Variants in PALM2AKAP2 observed in about 807,000 individuals in gnomAD.
The protein encoded by PALM2AKAP2 is PALM2-AKAP2 fusion protein.
In PALM2AKAP2, 37 loss-of-function variants were observed where a neutral mutation model predicts 71.5. The ratio of observed to expected loss-of-function variants is 0.52; its 90% CI spans 0.40 to 0.68. PALM2AKAP2 has a LOEUF of 0.68. Ranked by LOEUF, PALM2AKAP2 falls within the 30% of genes least tolerant of loss-of-function variation. PALM2AKAP2 has a pLI of 0.00. For synonymous variants in PALM2AKAP2, 468 were observed against 478.8 expected, an observed-to-expected ratio of 0.98 and a Z score of 0.29; for missense variants, 1,224 against 1,191.8, an observed-to-expected ratio of 1.03 and a Z score of -0.40.
At chr9:109,641,788 G>A (rs1467974420) in intron 1 of PALM2AKAP2, among the ~76,000 whole-genome samples, 3 of 152,152 alleles carry the variant, frequency 2.0e-5, no homozygotes. Flanking sequence ...TTTCAAGTTA[G>A]AGATAAAGTC....
At chr9:110,152,161 T>C (rs1003855646) in intron 2 of PALM2AKAP2, among the ~76,000 whole-genome samples, 3 of 151,962 alleles carry the variant, frequency 2.0e-5, no homozygotes, top group African/African-American at 7.3e-5. Context: ...CGCTTGAACC[T>C]GGGAGGCAGA....
At chr9:109,648,956 C>G (rs768811369) in intron 1 of PALM2AKAP2, among the ~76,000 whole-genome samples, 1 of 152,128 alleles carries the variant, frequency 6.6e-6, no homozygotes, top group Non-Finnish European at 1.5e-5. Context: ...AGATGTCATT[C>G]CATTGTGTTC....
chr9:109,782,128 A>C (rs1400262700), intron 1 of PALM2AKAP2, among the ~76,000 whole-genome samples: 1 of 152,238 alleles, frequency 6.6e-6, no homozygotes, highest in Admixed American at 6.5e-5. Flanking sequence ...CTTGCTTTCC[A>C]AACATGGAGC....
intron 1 of PALM2AKAP2, among the ~76,000 whole-genome samples, chr9:109,864,688 A>G (rs1038203452): frequency 2.0e-5 from 3 of 152,344 alleles, no homozygotes; most frequent in Non-Finnish European, 2.9e-5. Flanking sequence ...TTTGAACTAC[A>G]ATGGTAGCAT....
chr9:110,098,648 C>T (rs990842329), intron 1 of PALM2AKAP2, among the ~76,000 whole-genome samples: 6 of 152,202 alleles, frequency 3.9e-5, no homozygotes, highest in African/African-American at 1.4e-4. Context: ...TCTGACACAT[C>T]AGCCAAGCTC....
rs114392130 is a variant in PALM2AKAP2, at chr9:110,056,043, A to G, written c.156+7188A>G. Among the ~76,000 whole-genome samples, 361 of 152,320 alleles carry G rather than the reference A, an allele frequency of 2.4e-3. 3 individuals carry two copies. Among genetic ancestry groups the G allele is most frequent in the African/African-American group, 8.5e-3 (354 of 41,572 alleles). On this transcript the variant is annotated intron_variant, in intron 1 of 3. Transcript: ENST00000374525. ...GTCCTGCAGACCCATGAAAGGTGCCATGCCGTCACCCAGTAGGGGGCAGGG... is the reference window on the plus strand; with the variant it reads ...GTCCTGCAGACCCATGAAAGGTGCCGTGCCGTCACCCAGTAGGGGGCAGGG...
intron 1 of PALM2AKAP2, among the ~76,000 whole-genome samples, chr9:109,863,743 G>A (rs1439615235): frequency 6.7e-6 from 1 of 149,904 alleles, no homozygotes; most frequent in Non-Finnish European, 1.5e-5. Flanking sequence ...CTAATTCTGA[G>A]CGTAGGCTGG....
intron 6 of PALM2AKAP2, among the ~76,000 whole-genome samples, chr9:109,937,987 A>G (rs1831269034): frequency 6.6e-6 from 1 of 152,242 alleles, no homozygotes; most frequent in Non-Finnish European, 1.5e-5. Flanking sequence ...AGGGCAGGTT[A>G]GAGAGTATGC....
intron 3 of PALM2AKAP2, among the ~76,000 whole-genome samples, chr9:109,881,677 G>A (rs1417125962): frequency 1.3e-5 from 2 of 152,056 alleles, no homozygotes; most frequent in Admixed American, 1.3e-4. Flanking sequence ...TCACACAAGA[G>A]CAATAATGTA....
intron 6 of PALM2AKAP2, among the ~76,000 whole-genome samples, chr9:110,015,502 G>A (rs1168676380): frequency 6.6e-6 from 1 of 152,104 alleles, no homozygotes; most frequent in Admixed American, 6.6e-5. Context: ...CAGTTACTTG[G>A]GAGGCTGAGG....
At position 109,734,614 on chromosome 9, in the gene PALM2AKAP2, T is replaced by C. The variant is rs575282589; in HGVS notation, c.6-45874T>C. Among the ~76,000 whole-genome samples the C allele has an allele frequency of 3.3e-5, 5 of 152,252 alleles. No individual in the cohort carries two copies. The East Asian group carries it at 9.6e-4, about 29-fold the overall frequency. ...AGTTGGAGTCAAGAGAAGAGTCCTT[T>C]AGAGTGTATAAAGAGGCAGGAGAGT... On this transcript the variant is annotated intron_variant, in intron 1 of 6. Transcript: ENST00000374531.
chr9:109,669,859 A>T (rs973671312), intron 1 of PALM2AKAP2, among the ~76,000 whole-genome samples: 2 of 151,838 alleles, frequency 1.3e-5, no homozygotes, highest in Admixed American at 1.3e-4. Flanking sequence ...TAACTATTCC[A>T]AAGTACCAAC....
At chr9:109,900,351 C>A (rs1347698123) in intron 3 of PALM2AKAP2, among the ~76,000 whole-genome samples, 1 of 152,204 alleles carries the variant, frequency 6.6e-6, no homozygotes, top group Non-Finnish European at 1.5e-5. Flanking sequence ...CATTGAGTGT[C>A]ATGCATCGCA....
intron 1 of PALM2AKAP2, among the ~76,000 whole-genome samples, chr9:109,742,727 TA>T (rs1828733789): frequency 6.6e-6 from 1 of 152,238 alleles, no homozygotes; most frequent in African/African-American, 2.4e-5. Flanking sequence ...ACTTAGCTGC[TA>T]TTTTTGTTTT....
intron 6 of PALM2AKAP2, among the ~76,000 whole-genome samples, chr9:109,955,643 CT>C (rs61082297): frequency 0.24 from 36,133 of 151,976 alleles, 4,767 homozygotes; most frequent in East Asian, 0.53. Flanking sequence ...GTATTGTCCA[CT>C]TTTTTTATCT....
chr9:109,996,298 A>C (rs1832574184), intron 6 of PALM2AKAP2, among the ~76,000 whole-genome samples: 1 of 152,216 alleles, frequency 6.6e-6, no homozygotes, highest in South Asian at 2.1e-4. Flanking sequence ...GGACCTGGAA[A>C]GGGGCCCCAC....
intron 1 of PALM2AKAP2, among the ~76,000 whole-genome samples, chr9:110,049,990 C>A (rs1346201129): frequency 1.3e-5 from 2 of 152,170 alleles, no homozygotes; most frequent in East Asian, 3.9e-4. Flanking sequence ...CTTTCCAGAC[C>A]CAGGAAAGCC....
intron 1 of PALM2AKAP2, among the ~76,000 whole-genome samples, chr9:109,723,418 C>T (rs1016140599): frequency 2.0e-5 from 3 of 152,168 alleles, no homozygotes; most frequent in Non-Finnish European, 4.4e-5. Flanking sequence ...CACCATGCTA[C>T]CATGTTACCA....
At chr9:110,003,529 G>A (rs1832721264) in intron 6 of PALM2AKAP2, among the ~76,000 whole-genome samples, 1 of 152,202 alleles carries the variant, frequency 6.6e-6, no homozygotes, top group African/African-American at 2.4e-5. Context: ...GGAGAGTTCT[G>A]TAGATGTCTA....
Sources: gnomAD v4.1 joint callset for allele counts (sites outside exome capture counted in the v4.1 genomes callset) on GRCh38, gnomAD v4.1.1 for gene constraint, MANE v1.5 for transcripts, NCBI Gene and HGNC (gene_info 2026-07-23, HGNC 2026-07-21) for gene names.